The following VAT1L variants were observed in gnomAD, a reference collection of about 807,000 sequenced individuals.
The protein encoded by VAT1L is vesicle amine transport 1 like.
VAT1L carries 34 observed loss-of-function variants against 44.1 expected under a neutral mutation model. The observed-to-expected ratio is 0.77, with a 90% CI of 0.59 to 1.03. The LOEUF is 1.03. VAT1L is among the 50% of genes least tolerant of loss of function. The pLI is 0.00. For missense variants in VAT1L, 615 were observed against 538.8 expected (o/e 1.14, Z -1.40); for synonymous variants, 253 against 202.2 (o/e 1.25, Z -2.13).
chr16:77,850,143 A>T (rs139831249), intron 3 of VAT1L, among the ~76,000 whole-genome samples: 1 of 152,192 alleles, frequency 6.6e-6, no homozygotes, highest in South Asian at 2.1e-4. Flanking sequence ...GCACTGCTGC[A>T]TGCTGGTGTA....
At chr16:77,885,191 G>T (rs1298710114) in intron 7 of VAT1L, among the ~76,000 whole-genome samples, 3 of 152,206 alleles carry the variant, frequency 2.0e-5, no homozygotes, top group East Asian at 3.9e-4. Flanking sequence ...AAAATGATTT[G>T]TGTGCTCCGC....
At chr16:77,834,006 C>T (rs967377057) in intron 3 of VAT1L, among the ~76,000 whole-genome samples, 8 of 152,146 alleles carry the variant, frequency 5.3e-5, no homozygotes, top group Non-Finnish European at 1.2e-4. Flanking sequence ...CAACAGGCTT[C>T]CTCATTAGTT....
chr16:77,954,108 G>A (rs779893324), intron 7 of VAT1L, among the ~76,000 whole-genome samples: 3 of 152,182 alleles, frequency 2.0e-5, no homozygotes, highest in Non-Finnish European at 4.4e-5. Flanking sequence ...GCCACATGGA[G>A]ACAATGAATA....
intron 5 of VAT1L, among the ~76,000 whole-genome samples, chr16:77,877,699 G>GA (rs796605506): frequency 3.2e-4 from 49 of 152,068 alleles, no homozygotes; most frequent in African/African-American, 1.1e-3. Context: ...GGCTAACTCA[G>GA]AAAAAAACAC....
rs958859617 is a variant in VAT1L at position 77,879,730 on chromosome 16, G to C, written c.882+506G>C. On this transcript the variant is annotated intron_variant, in intron 6 of 8. Transcript: ENST00000302536. The surrounding 1 kb of genome is among the most constrained non-coding windows in gnomAD (Gnocchi z 4.1). ...TACTTTTGTCTAAATGAAACAGAGA[G>C]GTGGGAGTGTCAGAGAAACTCAAGA... Among the ~76,000 whole-genome samples, 1 of 152,210 alleles carries C rather than the reference G, an allele frequency of 6.6e-6. No homozygotes were observed. Among genetic ancestry groups the C allele is most frequent in the Non-Finnish European group, 1.5e-5 (1 of 68,042 alleles).
chr16:77,808,018 C>T (rs1408561310), intron 1 of VAT1L, among the ~76,000 whole-genome samples: 1 of 151,900 alleles, frequency 6.6e-6, no homozygotes, highest in Non-Finnish European at 1.5e-5. Context: ...GCCTATACTC[C>T]AGAACAGGGC....
intron 7 of VAT1L, among the ~76,000 whole-genome samples, chr16:77,953,370 A>G (rs111912708): frequency 0.01 from 1,596 of 152,302 alleles, 16 homozygotes; most frequent in Non-Finnish European, 0.017. Flanking sequence ...ATTTTAATGA[A>G]AAGAATGATT....
intron 7 of VAT1L, among the ~76,000 whole-genome samples, chr16:77,942,015 T>C (rs1033679846): frequency 6.6e-5 from 10 of 152,252 alleles, no homozygotes; most frequent in African/African-American, 2.4e-4. Context: ...CCATTCTGAC[T>C]GGTTTGAGAT....
intron 3 of VAT1L, among the ~76,000 whole-genome samples, chr16:77,830,266 T>A (rs970767822): frequency 5.3e-5 from 8 of 152,218 alleles, no homozygotes; most frequent in Admixed American, 1.3e-4. Context: ...TGCTGTTTTT[T>A]TCTTTCCAAA....
At chr16:77,814,739 G>A (rs1288267968) in intron 1 of VAT1L, among the ~76,000 whole-genome samples, 6 of 152,188 alleles carry the variant, frequency 3.9e-5, no homozygotes, top group Admixed American at 3.9e-4. Flanking sequence ...ATACAGTGAT[G>A]CGTTATTTAT....
chr16:77,922,559 G>C (rs1395314146), intron 7 of VAT1L, among the ~76,000 whole-genome samples: 1 of 152,208 alleles, frequency 6.6e-6, no homozygotes, highest in African/African-American at 2.4e-5. Context: ...GTGATGAAGA[G>C]AGAGGTGCTG....
chr16:77,946,276 G>GCTCTTTTTT (rs1441996306), intron 7 of VAT1L, among the ~76,000 whole-genome samples: 4 of 33,872 alleles, frequency 1.2e-4, no homozygotes, highest in Non-Finnish European at 2.3e-4. Context: ...TAGGTTACTT[G>GCTCTTTTTT]TTCTTTTTTT....
intron 7 of VAT1L, among the ~76,000 whole-genome samples, chr16:77,927,886 AT>A (rs1485831838): frequency 6.6e-6 from 1 of 152,182 alleles, no homozygotes; most frequent in Non-Finnish European, 1.5e-5. Context: ...ATATAAATAA[AT>A]AAATAAACTT....
chr16:77,824,567 A>G (rs1218189540), intron 2 of VAT1L, among the ~76,000 whole-genome samples: 1 of 151,906 alleles, frequency 6.6e-6, no homozygotes, highest in Non-Finnish European at 1.5e-5. Context: ...CATCCTGGCT[A>G]ACATGGTGAA....
chr16:77,803,657 G>A (rs1283840122), intron 1 of VAT1L, among the ~76,000 whole-genome samples: 1 of 152,042 alleles, frequency 6.6e-6, no homozygotes, highest in Non-Finnish European at 1.5e-5. Flanking sequence ...CTGACCTCGT[G>A]ATCCGCCTGC....
intron 7 of VAT1L, among the ~76,000 whole-genome samples, chr16:77,940,845 T>G (rs974096565): frequency 6.6e-6 from 1 of 152,150 alleles, no homozygotes; most frequent in African/African-American, 2.4e-5. Context: ...AGCCTTACAT[T>G]GTTTCCTTTG....
intron 7 of VAT1L, among the ~76,000 whole-genome samples, chr16:77,909,928 C>T (rs945576800): frequency 2.6e-5 from 4 of 152,100 alleles, no homozygotes; most frequent in Non-Finnish European, 2.9e-5. Context: ...ACGGCTCCTG[C>T]GAGAACACCA....
intron 1 of VAT1L, among the ~76,000 whole-genome samples, chr16:77,809,430 C>G (rs2016224919): frequency 6.7e-6 from 1 of 150,224 alleles, no homozygotes; most frequent in Admixed American, 6.7e-5. Context: ...TAGGACAGCC[C>G]TCTCAGAAAG....
At chr16:77,973,572 C>A (rs1271874891) in intron 8 of VAT1L, among the ~76,000 whole-genome samples, 1 of 151,902 alleles carries the variant, frequency 6.6e-6, no homozygotes, top group Non-Finnish European at 1.5e-5. Context: ...CGTGAGCCAC[C>A]ATGCCTGGCC....
Sources: allele counts gnomAD v4.1 joint callset (sites outside exome capture counted in the v4.1 genomes callset), GRCh38; gene constraint gnomAD v4.1.1; non-coding constraint Gnocchi (gnomAD v3.1); transcripts MANE v1.5; gene names NCBI Gene and HGNC (gene_info 2026-07-23, HGNC 2026-07-21).